Variants in AGK observed in about 807,000 individuals in gnomAD.
AGK encodes the protein acylglycerol kinase, mitochondrial.
Under a neutral mutation model 66.4 loss-of-function variants are expected in AGK, and 52 were observed. That is an observed-to-expected ratio of 0.78 (90% CI 0.63 to 0.99). The LOEUF is 0.99. AGK is among the 50% of genes least tolerant of loss of function. The pLI is 0.00. For missense variants in AGK, 451 were observed against 506.6 expected (o/e 0.89, Z 1.05); for synonymous variants, 182 against 181.1 (o/e 1.00, Z -0.04).
Position 141,615,553 on chromosome 7 carries a change from G to GA in AGK, c.509dup (p.Asn170LysfsTer8). The GA allele has an allele frequency of 6.2e-7, 1 of 1,613,516 alleles. No homozygotes were observed. The highest frequency in any genetic ancestry group is 8.5e-7 in the Non-Finnish European group (1 of 1,179,490). On this transcript the variant is annotated frameshift_variant, in exon 8 of 16. Coordinates refer to ENST00000649286, the MANE Select transcript of AGK (RefSeq NM_018238.4). LOFTEE classifies it high-confidence loss of function. ...AGTCATACCCTCTTTGCCGAAAGTG[G>GA]AAACAAAGTCCAGTAGGTTGTCAAT...
rs754533181 is a variant in AGK at position 141,611,314 on chromosome 7, AT to A, written c.390+31del. 2.0e-6 allele frequency: 3 copies of A among 1,534,534 alleles called. No homozygotes were observed. In the East Asian group the frequency reaches 6.8e-5, roughly 35 times the overall value. On this transcript the variant is annotated intron_variant, in intron 6 of 15. Transcript: ENST00000649286. ...TATGACTGTTTTTCTCTTTGAAGCTATTTTGAAGGTGAGAAAAATGGAAATT... is the reference window on the plus strand; with the variant it reads ...TATGACTGTTTTTCTCTTTGAAGCTATTTGAAGGTGAGAAAAATGGAAATT...
In AGK at chr7:141,591,082, G is replaced by GT. The variant is rs60762855; in HGVS notation, c.102-2037dup. On this transcript the variant is annotated intron_variant, in intron 2 of 15. Coordinates refer to ENST00000649286, the MANE Select transcript of AGK (RefSeq NM_018238.4). ...TTCAGTAAAACATGGTTCTTAAGTT[G>GT]TTTTTTTTTTTTTTTTTTTTTTTTT... 1.2e-3 allele frequency among the ~76,000 whole-genome samples: 71 copies of GT among 61,090 alleles called. 2 individuals carry two copies. Among genetic ancestry groups the GT allele is most frequent in the African/African-American group, 2.8e-3 (47 of 17,072 alleles). 40.1% of individuals were successfully genotyped at this position (61,090 alleles called of 152,430 possible).
At chr7:141,570,988 G>C (rs1795594345) in intron 2 of AGK, among the ~76,000 whole-genome samples, 1 of 152,060 alleles carries the variant, frequency 6.6e-6, no homozygotes, top group African/African-American at 2.4e-5. Flanking sequence ...CCCTCGACTG[G>C]GCAGATAGCT....
intron 9 of AGK, among the ~76,000 whole-genome samples, chr7:141,633,633 CA>C (rs1386932117): frequency 6.6e-6 from 1 of 152,170 alleles, no homozygotes; most frequent in Non-Finnish European, 1.5e-5. Flanking sequence ...TAGGTACTCT[CA>C]AATTTACAGT....
chr7:141,591,125 T>G (rs1796107177), intron 2 of AGK, among the ~76,000 whole-genome samples: 1 of 122,154 alleles, frequency 8.2e-6, no homozygotes, highest in African/African-American at 3.0e-5. Context: ...AGAGTCTCAC[T>G]CTGTAGCCCC....
chr7:141,593,268 C>T (rs764786828), intron 3 of AGK, 83 bp downstream of exon 3: 1 of 1,228,026 alleles, frequency 8.1e-7, no homozygotes. Flanking sequence ...GGGACTTGCA[C>T]AGTGTCTTGC....
At chr7:141,650,647 C>G (rs1028914884) in intron 14 of AGK, 138 of 985,320 alleles carry the variant, frequency 1.4e-4, no homozygotes, top group Non-Finnish European at 5.2e-5. Flanking sequence ...GATACATCTG[C>G]ATGAGGTGGA....
chr7:141,641,482 G>C, intron 12 of AGK, 84 bp downstream of exon 12: 8 of 1,437,142 alleles, frequency 5.6e-6, no homozygotes, highest in Non-Finnish European at 7.5e-6. Context: ...CAGTTTTAGA[G>C]ACTTAACTAG....
intron 14 of AGK, among the ~76,000 whole-genome samples, chr7:141,650,179 TTG>T (rs1194988665): frequency 6.6e-6 from 1 of 152,214 alleles, no homozygotes; most frequent in Non-Finnish European, 1.5e-5. Context: ...GCACATAAGT[TTG>T]TTGTTCTTGC....
At chr7:141,577,392 T>G (rs1795767601) in intron 2 of AGK, among the ~76,000 whole-genome samples, 1 of 152,252 alleles carries the variant, frequency 6.6e-6, no homozygotes, top group Admixed American at 6.5e-5. Context: ...AGACTATGTT[T>G]AAATCTACCT....
chr7:141,641,761 G>A (rs1197089388), intron 12 of AGK, 50 bp from the exon 13 acceptor site: 5 of 1,463,546 alleles, frequency 3.4e-6, no homozygotes, highest in Admixed American at 2.0e-5. Context: ...CGTGGTGGGT[G>A]GTGAAATGTT....
In AGK at chr7:141,593,158, A is replaced by T. The variant is rs746123424; in HGVS notation, c.114A>T (p.Leu38=). 12 of 1,611,804 alleles carry T rather than the reference A, an allele frequency of 7.4e-6. No individual in the cohort carries two copies. In the African/African-American group the frequency reaches 1.5e-4, roughly 20 times the overall value. ...WLYGKHCDNL[L]RRAACQEAQV... is the part of the protein sequence containing the mutation. ...CTTACTTTGATAGTGATAACCTCCTAAGGAGAGCAGCCTGTCAAGAAGCTC... is the reference window on the plus strand; with the variant it reads ...CTTACTTTGATAGTGATAACCTCCTTAGGAGAGCAGCCTGTCAAGAAGCTC... The change falls in exon 3 of 16, where the codon CTA becomes CTT. Residue 38 remains leucine, a synonymous_variant. Coordinates refer to ENST00000649286, the MANE Select transcript of AGK (RefSeq NM_018238.4).
At chr7:141,571,520 T>G (rs1442589100) in intron 2 of AGK, among the ~76,000 whole-genome samples, 1 of 152,202 alleles carries the variant, frequency 6.6e-6, no homozygotes, top group Admixed American at 6.5e-5. Context: ...TATAGGCCTG[T>G]GGTGAATTGC....
chr7:141,654,421 C>G lies in AGK; in HGVS notation c.*1497C>G, dbSNP rs1797640088. The G allele has an allele frequency of 6.6e-6, 1 of 152,156 alleles. No individual in the cohort carries two copies. The highest frequency in any genetic ancestry group is 1.5e-5 in the Non-Finnish European group (1 of 68,032). 9.4% of individuals were successfully genotyped at this position (152,156 alleles called of 1,614,324 possible). On this transcript the variant is annotated 3_prime_UTR_variant, in exon 16 of 16. Coordinates refer to ENST00000649286, the MANE Select transcript of AGK (RefSeq NM_018238.4). ...TTACGTTAACAATGTTTTTACAGTT[C>G]TTTGGATTCCTTTGGCATTTTGACA...
intron 8 of AGK, 23 bp downstream of exon 8, chr7:141,615,588 T>C: frequency 6.3e-7 from 1 of 1,586,088 alleles, no homozygotes; most frequent in Non-Finnish European, 8.7e-7. Context: ...TGTGGGGAAT[T>C]AGCATTTGTG....
At position 141,553,616 on chromosome 7, in the gene AGK, G is replaced by T. The variant is rs189828978; in HGVS notation, c.-14-1837G>T. On this transcript the variant is annotated intron_variant, in intron 1 of 15. Coordinates refer to ENST00000649286, the MANE Select transcript of AGK (RefSeq NM_018238.4). Reference sequence around the variant, plus strand: ...CTTCTCTGCCCTCACCCCCAGCACAGAGCCTACCATATAGGTGTTTATTAA... The same window carrying T: ...CTTCTCTGCCCTCACCCCCAGCACATAGCCTACCATATAGGTGTTTATTAA... Among the ~76,000 whole-genome samples, 507 of 152,348 alleles carry T rather than the reference G, an allele frequency of 3.3e-3. 5 individuals carry two copies. Among genetic ancestry groups the T allele is most frequent in the African/African-American group, 0.012 (486 of 41,572 alleles).
At chr7:141,615,686 A>T in intron 8 of AGK, 121 bp downstream of exon 8, 1 of 804,398 alleles carries the variant, frequency 1.2e-6, no homozygotes, top group Non-Finnish European at 2.1e-6. Flanking sequence ...AATTAAGAGG[A>T]GGACCTAGAT....
chr7:141,602,680 CT>C (rs1562970117), intron 5 of AGK, among the ~76,000 whole-genome samples: 2 of 151,756 alleles, frequency 1.3e-5, no homozygotes, highest in Admixed American at 6.6e-5. Flanking sequence ...CATTTCTGAT[CT>C]TTTTTTATTG....
chr7:141,614,395 A>C (rs1796662113), intron 7 of AGK, among the ~76,000 whole-genome samples: 1 of 152,152 alleles, frequency 6.6e-6, no homozygotes, highest in South Asian at 2.1e-4. Flanking sequence ...GTATCCAATA[A>C]CTTTGACAAT....
Sources: allele counts gnomAD v4.1 joint callset (sites outside exome capture counted in the v4.1 genomes callset), GRCh38; gene constraint gnomAD v4.1.1; transcripts MANE v1.5; gene names NCBI Gene and HGNC (gene_info 2026-07-23, HGNC 2026-07-21).